The following COPB2 variants were observed in gnomAD, a reference collection of about 807,000 sequenced individuals.
COPB2 encodes the protein coatomer subunit beta'.
A neutral mutation model predicts 120.8 loss-of-function variants in COPB2; 16 were observed. The observed-to-expected ratio is 0.13, with a 90% confidence interval of 0.09 to 0.20. COPB2 has a LOEUF of 0.20. COPB2 is among the 10% of genes least tolerant of loss of function. COPB2 has a pLI of 1.00. For synonymous variants in COPB2, 332 were observed against 366.3 expected (o/e 0.91, Z 1.07); for missense variants, 794 against 1,076.5 (o/e 0.74, Z 3.67).
At chr3:139,363,788 T>G (rs906460596) in intron 15 of COPB2, among the ~76,000 whole-genome samples, 1 of 152,206 alleles carries the variant, frequency 6.6e-6, no homozygotes, top group Admixed American at 6.5e-5. Flanking sequence ...ATGTTTTAAC[T>G]TCTCAGCTTA....
Position 139,375,413 on chromosome 3 carries a change from A to G in COPB2, c.651+55T>C, listed in dbSNP as rs1180148176. On this transcript the variant is annotated intron_variant, in intron 6 of 21. Coordinates refer to ENST00000333188, the MANE Select transcript of COPB2 (RefSeq NM_004766.3). ...CAACCCAAGTCTTAACTGTCCTATA[A>G]GAAATAGTAAGAAACATATCTAACA... The G allele has an allele frequency of 3.8e-6, 6 of 1,561,198 alleles. No individual in the cohort carries two copies. In the East Asian group the frequency reaches 9.1e-5, roughly 24 times the overall value.
At chr3:139,368,996 A>G (rs1437278385) in intron 12 of COPB2, among the ~76,000 whole-genome samples, 1 of 152,188 alleles carries the variant, frequency 6.6e-6, no homozygotes, top group Non-Finnish European at 1.5e-5. Flanking sequence ...TTCTCAAAGC[A>G]TGCTTTTTTC....
chr3:139,387,468 T>C (rs563557913), intron 1 of COPB2, among the ~76,000 whole-genome samples: 17 of 152,300 alleles, frequency 1.1e-4, no homozygotes, highest in Non-Finnish European at 2.5e-4. Context: ...AGGACTCAGC[T>C]TAAATGCCAC....
Position 139,389,604 on chromosome 3 carries a change from T to C in COPB2, c.-54A>G. Reference sequence around the variant, plus strand: ...TCGTTTGTTACCGGCTACTCAGGCCTTGAGATAAACCCACCGATCCACTGA... The same window carrying C: ...TCGTTTGTTACCGGCTACTCAGGCCCTGAGATAAACCCACCGATCCACTGA... On this transcript the variant is annotated 5_prime_UTR_variant, in exon 1 of 22. Coordinates refer to ENST00000333188, the MANE Select transcript of COPB2 (RefSeq NM_004766.3). 1 of 1,535,462 alleles carries C rather than the reference T, an allele frequency of 6.5e-7. No individual in the cohort carries two copies. Among genetic ancestry groups the C allele is most frequent in the Non-Finnish European group, 8.9e-7 (1 of 1,124,050 alleles).
chr3:139,384,359 CTTCAACTGATAAGCCT>C (rs2107810878), intron 1 of COPB2, among the ~76,000 whole-genome samples: 1 of 152,344 alleles, frequency 6.6e-6, no homozygotes, highest in East Asian at 1.9e-4. Context: ...TCACCACCTA[CTTCAACTGATAAGCCT>C]TTAAGCATTG....
chr3:139,378,396 T>G (rs1341023274), intron 4 of COPB2, among the ~76,000 whole-genome samples: 1 of 152,038 alleles, frequency 6.6e-6, no homozygotes, highest in Non-Finnish European at 1.5e-5. Flanking sequence ...ATAAAATAAA[T>G]AAAATAGATT....
chr3:139,359,789 T>A lies in COPB2; in HGVS notation c.2211-427A>T, dbSNP rs996184318. ...CCATGGTGTCTTATTTTTTCTTCTA[T>A]TTTAATTTCATTTTTTTTCTGTGCA... On this transcript the variant is annotated intron_variant, in intron 17 of 21. Coordinates refer to ENST00000333188, the MANE Select transcript of COPB2 (RefSeq NM_004766.3). Among the ~76,000 whole-genome samples, 4 of 143,392 alleles carry A rather than the reference T, an allele frequency of 2.8e-5. No homozygotes were observed. In the Admixed American group the frequency reaches 2.8e-4, roughly 10 times the overall value. 94.1% of individuals were successfully genotyped at this position (143,392 alleles called of 152,430 possible). A position where few individuals can be genotyped will look rare whatever the true frequency, so the allele number is the denominator to read the frequency against.
Position 139,358,291 on chromosome 3 carries a change from T to TA in COPB2, c.2554-21dup, listed in dbSNP as rs1322281880. On this transcript the variant is annotated intron_variant, in intron 20 of 21. Transcript: ENST00000333188. Reference sequence around the variant, plus strand: ...AAGTTCCTGAAACCACAAGTGAAGATATATATGAAGACAAGGGAATTTACT... The same window carrying TA: ...AAGTTCCTGAAACCACAAGTGAAGATAATATATGAAGACAAGGGAATTTACT... 1 of 1,603,684 alleles carries TA rather than the reference T, an allele frequency of 6.2e-7. No homozygotes were observed. Among genetic ancestry groups the TA allele is most frequent in the Non-Finnish European group, 8.5e-7 (1 of 1,170,572 alleles).
chr3:139,358,082 T>C (rs1941326594), intron 21 of COPB2, 118 bp downstream of exon 21: 1 of 1,075,712 alleles, frequency 9.3e-7, no homozygotes, highest in African/African-American at 1.6e-5. Flanking sequence ...ATCTTCCCAT[T>C]TCAAAGCCCC....
chr3:139,369,159 G>A (rs1029079251), intron 12 of COPB2, 102 bp downstream of exon 12: 2 of 749,174 alleles, frequency 2.7e-6, no homozygotes, highest in South Asian at 4.9e-5. Context: ...TTTGATAATC[G>A]AAGAGGGAGA....
Position 139,373,247 on chromosome 3 carries a change from A to G in COPB2, c.1060T>C (p.Tyr354His). The G allele has an allele frequency of 3.1e-6, 5 of 1,614,084 alleles. No homozygotes were observed. The highest frequency in any genetic ancestry group is 4.2e-6 in the Non-Finnish European group (5 of 1,179,978). Residue 354 changes from tyrosine (Y) to histidine (H), a missense_variant, in exon 9 of 22, where the codon TAC (tyrosine) becomes CAC (histidine). Transcript: ENST00000333188. ...AVKDMGSCEI[Y>H]PQTIQHNPNG... ...GGATTGTGCTGAATAGTCTGAGGGT[A>G]TATTTCACAACTGCCCATATCCTTT...
At chr3:139,380,895 G>T (rs1941798773) in intron 2 of COPB2, 1 of 152,174 alleles carries the variant, frequency 6.6e-6, no homozygotes, top group Non-Finnish European at 1.5e-5. Context: ...CAAATCCAGG[G>T]ATCTGCTGAG....
intron 5 of COPB2, among the ~76,000 whole-genome samples, chr3:139,376,613 C>A (rs1418708288): frequency 6.6e-6 from 1 of 152,068 alleles, no homozygotes; most frequent in Non-Finnish European, 1.5e-5. Context: ...AAGGTTAAAA[C>A]CCTAAGATAT....
At chr3:139,383,021 A>G in intron 2 of COPB2, 1 of 422,366 alleles carries the variant, frequency 2.4e-6, no homozygotes, top group Non-Finnish European at 4.3e-6. Flanking sequence ...AAGTGATTCT[A>G]TAATACCATC....
chr3:139,361,216 T>C lies in COPB2; in HGVS notation c.2075A>G (p.His692Arg). ...QFGLAQECLH[H>R]AQDYGGLLLL... Reference sequence around the variant, plus strand: ...CAGCAGGCCCCCATAATCCTGTGCATGATGCAGGCACTCCTGGGCTAGGCC... The same window carrying C: ...CAGCAGGCCCCCATAATCCTGTGCACGATGCAGGCACTCCTGGGCTAGGCC... The change falls in exon 17 of 22, where the codon CAT (histidine) becomes CGT (arginine). Residue 692 changes from histidine (H) to arginine (R), a missense_variant. His to Arg is a conservative substitution (Grantham distance 29). Coordinates refer to ENST00000333188, the MANE Select transcript of COPB2 (RefSeq NM_004766.3). 1 of 1,614,236 alleles carries C rather than the reference T, an allele frequency of 6.2e-7. No homozygotes were observed. Among genetic ancestry groups the C allele is most frequent in the Non-Finnish European group, 8.5e-7 (1 of 1,180,052 alleles).
Position 139,373,782 on chromosome 3 carries a change from T to C in COPB2, c.778A>G (p.Thr260Ala). Residue 260 changes from threonine to alanine, a missense_variant, in exon 8 of 22, where the codon ACC (threonine) becomes GCC (alanine). Around this residue, in one of 3 missense-constraint regions of COPB2, gnomAD observed 610 missense variants for 866.7 expected, o/e 0.70. Coordinates refer to ENST00000333188, the MANE Select transcript of COPB2 (RefSeq NM_004766.3). ...DGTVRIWHSSTYRLESTLNYG... is the reference protein window; with the variant it reads ...DGTVRIWHSSAYRLESTLNYG... ...TTCAGTGTGCTCTCAAGCCGGTAGG[T>C]GCTTGAATGCCAAATACGTACTGTT... The C allele has an allele frequency of 6.2e-7, 1 of 1,614,082 alleles. No homozygotes were observed. Among genetic ancestry groups the C allele is most frequent in the Non-Finnish European group, 8.5e-7 (1 of 1,179,980 alleles).
In COPB2 at chr3:139,359,258, A is replaced by G; in HGVS notation, c.2303+12T>C. ...ATTGGAAACATTTCTTCCTAAAATT[A>G]AAAGTCTGTACCTTGAAACCTGACT... On this transcript the variant is annotated intron_variant, in intron 18 of 21. Transcript: ENST00000333188. 1 of 1,613,480 alleles carries G rather than the reference A, an allele frequency of 6.2e-7. No homozygotes were observed. Among genetic ancestry groups the G allele is most frequent in the Non-Finnish European group, 8.5e-7 (1 of 1,179,704 alleles).
intron 4 of COPB2, 26 bp downstream of exon 4, chr3:139,379,021 C>T: frequency 1.3e-6 from 2 of 1,555,086 alleles, no homozygotes; most frequent in African/African-American, 2.8e-5. Flanking sequence ...AAGAGACGCA[C>T]ATGACCAAAA....
In COPB2 at chr3:139,375,594, C is replaced by T. The variant is rs371437983; in HGVS notation, c.525G>A (p.Ser175=). The T allele has an allele frequency of 2.8e-5, 45 of 1,613,724 alleles. No homozygotes were observed. The highest frequency in any genetic ancestry group is 1.6e-4 in the Middle Eastern group (1 of 6,082). Residue 175 remains serine, a synonymous_variant, in exon 6 of 22, where the codon TCG becomes TCA. Coordinates refer to ENST00000333188, the MANE Select transcript of COPB2 (RefSeq NM_004766.3). The part of the protein sequence containing the change: ...RTIKVWQLGS[S]SPNFTLEGHE... ...GTCCTTCCAAAGTGAAGTTTGGTGA[C>T]GAAGAGCCCAACTGCCACACCTGCA... is the stretch of plus-strand genomic sequence containing the variant.
Sources: allele counts gnomAD v4.1 joint callset (sites outside exome capture counted in the v4.1 genomes callset), GRCh38; gene constraint gnomAD v4.1.1; regional missense constraint gnomAD v4.1.1; transcripts MANE v1.5; gene names NCBI Gene and HGNC (gene_info 2026-07-23, HGNC 2026-07-21).